DYSF: variants seen among roughly 807,000 people sequenced by gnomAD.
The protein encoded by DYSF is dysferlin, also known as dystrophy-associated fer-1-like 1.
Under a neutral mutation model 274.9 loss-of-function variants are expected in DYSF, and 212 were observed. That is an observed-to-expected ratio of 0.77 (90% CI 0.69 to 0.86). The LOEUF (loss-of-function observed/expected upper bound fraction) is 0.86. Among genes scored for constraint, DYSF ranks in the 40% least tolerant of loss-of-function variants. The pLI, the probability that DYSF is intolerant of heterozygous loss-of-function variation, is 0.00. For missense variants in DYSF, 2,666 were observed against 2,783.2 expected, an observed-to-expected ratio of 0.96 and a Z score of 0.95; for synonymous variants, 1,091 against 1,078.7, an observed-to-expected ratio of 1.01 and a Z score of -0.22.
At chr2:71,670,746 C>T (rs2095105704) in intron 51 of DYSF, among the ~76,000 whole-genome samples, 1 of 152,204 alleles carries the variant, frequency 6.6e-6, no homozygotes, top group Non-Finnish European at 1.5e-5. Context: ...TAGGACCAGG[C>T]CTGCCCTCAG....
At chr2:71,636,906 C>T (rs2152917696) in intron 41 of DYSF, among the ~76,000 whole-genome samples, 2 of 152,248 alleles carry the variant, frequency 1.3e-5, no homozygotes, top group South Asian at 4.1e-4. Flanking sequence ...CAGTGGAGCT[C>T]TGCAAGGCGA....
chr2:71,617,760 T>A (rs1301043981), intron 40 of DYSF, among the ~76,000 whole-genome samples: 2 of 49,336 alleles, frequency 4.1e-5, no homozygotes, highest in Non-Finnish European at 7.9e-5. Context: ...GGGGTAGAGG[T>A]GGTGTGTGTG....
intron 12 of DYSF, 120 bp from the exon 13 acceptor site, chr2:71,526,100 C>T (rs1419628213): frequency 7.1e-6 from 11 of 1,554,750 alleles, no homozygotes; most frequent in Admixed American, 5.0e-5. Context: ...AGTGTCGGAG[C>T]GCAGTCTGCC....
intron 55 of DYSF, among the ~76,000 whole-genome samples, chr2:71,685,373 T>G (rs1353596495): frequency 2.0e-5 from 3 of 152,026 alleles, no homozygotes; most frequent in African/African-American, 7.2e-5. Flanking sequence ...ATGAAGGGGG[T>G]GGCCTGGGCC....
At chr2:71,665,912 T>C (rs1431970655) in intron 47 of DYSF, among the ~76,000 whole-genome samples, 2 of 152,056 alleles carry the variant, frequency 1.3e-5, no homozygotes, top group Non-Finnish European at 2.9e-5. Flanking sequence ...TCAGAGCAGC[T>C]CAGACTCCCC....
chr2:71,672,521 C>T (rs568478239), intron 51 of DYSF, among the ~76,000 whole-genome samples: 5 of 152,200 alleles, frequency 3.3e-5, no homozygotes, highest in Non-Finnish European at 7.3e-5. Flanking sequence ...CGGCCAGGCT[C>T]CCCACCTGGA....
chr2:71,492,956 A>G (rs111719397), intron 3 of DYSF, among the ~76,000 whole-genome samples: 5,721 of 152,084 alleles, frequency 0.038, 156 homozygotes, highest in Non-Finnish European at 0.054. Context: ...AACAAGGCTC[A>G]CTGTAGCCTT....
At position 71,511,837 on chromosome 2, in the gene DYSF, C is replaced by G; in HGVS notation, c.376C>G (p.Pro126Ala). The change falls in exon 5 of 56, where the codon CCG becomes GCG. Residue 126 changes from proline to alanine, a missense_variant. Pro to Ala is a conservative substitution (Grantham distance 27). Around this residue, in one of 3 missense-constraint regions of DYSF, gnomAD observed 794 missense variants for 777.1 expected, o/e 1.02. Transcript: ENST00000410020. ...GCTGGTCCTGCAGGTGTCCTACACA[C>G]CGCTGCCTGGAGCTGTGCCCCTGTT... ...ASLVLQVSYTPLPGAVPLFPP... is the reference protein window; with the variant it reads ...ASLVLQVSYTALPGAVPLFPP... The G allele has an allele frequency of 6.4e-7, 1 of 1,551,662 alleles. No individual in the cohort carries two copies. The highest frequency in any genetic ancestry group is 8.7e-7 in the Non-Finnish European group (1 of 1,146,940).
chr2:71,547,838 G>T (rs950799764), intron 17 of DYSF, among the ~76,000 whole-genome samples: 3 of 152,014 alleles, frequency 2.0e-5, no homozygotes, highest in Admixed American at 6.5e-5. Flanking sequence ...AAATCAGTCT[G>T]GGTGGGAAGC....
chr2:71,478,275 C>CGCA (rs2082562101), intron 1 of DYSF, among the ~76,000 whole-genome samples: 1 of 150,548 alleles, frequency 6.6e-6, no homozygotes, highest in Non-Finnish European at 1.5e-5. Flanking sequence ...GCAGTGGTGC[C>CGCA]ATCTCGGCTC....
chr2:71,623,887 A>G lies in DYSF; in HGVS notation c.4527+3278A>G, dbSNP rs539416373. ...GAGTTGAGATCAGCCTGGGCAGCAT[A>G]GTGAAACCCTGTCTCTACAGAAAAT... On this transcript the variant is annotated intron_variant, in intron 41 of 55. Coordinates refer to ENST00000410020, the MANE Select transcript of DYSF (RefSeq NM_001130987.2). Among the ~76,000 whole-genome samples the G allele has an allele frequency of 2.0e-5, 3 of 151,988 alleles. No homozygotes were observed. The East Asian group carries it at 5.8e-4, about 30-fold the overall frequency.
chr2:71,470,899 C>T (rs1004532990), intron 1 of DYSF, among the ~76,000 whole-genome samples: 1 of 151,174 alleles, frequency 6.6e-6, no homozygotes, highest in African/African-American at 2.4e-5. Context: ...TCGAGTGATT[C>T]TCCTGCCTCA....
intron 52 of DYSF, among the ~76,000 whole-genome samples, chr2:71,678,705 A>G (rs1476500316): frequency 1.3e-5 from 2 of 152,118 alleles, no homozygotes; most frequent in African/African-American, 4.8e-5. Flanking sequence ...TTTTACCATG[A>G]TAAAAATAAT....
chr2:71,550,908 T>A, intron 17 of DYSF, 133 bp from the exon 18 acceptor site: 1 of 740,816 alleles, frequency 1.3e-6, no homozygotes, highest in Non-Finnish European at 2.4e-6. Flanking sequence ...CTTTATACAC[T>A]GACAGGAGCT....
chr2:71,616,071 C>G (rs978562361), intron 40 of DYSF, among the ~76,000 whole-genome samples: 18 of 152,216 alleles, frequency 1.2e-4, no homozygotes, highest in African/African-American at 4.1e-4. Flanking sequence ...TGCCTAGGTC[C>G]TGGGATGAGC....
At position 71,511,881 on chromosome 2, in the gene DYSF, G is replaced by A. The variant is rs1485176257; in HGVS notation, c.420G>A (p.Leu140=). The A allele has an allele frequency of 1.3e-6, 2 of 1,551,460 alleles. No homozygotes were observed. The highest frequency in any genetic ancestry group is 1.7e-6 in the Non-Finnish European group (2 of 1,146,898). Reference sequence around the variant, plus strand: ...CCCTGTTCCCGCCCCCTACTCCTCTGGAGCCCTCCCCGACTCTGCCTGACC... The same window carrying A: ...CCCTGTTCCCGCCCCCTACTCCTCTAGAGCCCTCCCCGACTCTGCCTGACC... The part of the protein sequence containing the change: ...AVPLFPPPTP[L]EPSPTLPDLD... Residue 140 remains leucine (L), a synonymous_variant, in exon 5 of 56, where the codon CTG becomes CTA. Transcript: ENST00000410020.
chr2:71,569,678 A>G (rs774124282), intron 26 of DYSF, 142 bp from the exon 27 acceptor site: 6 of 725,478 alleles, frequency 8.3e-6, no homozygotes, highest in Non-Finnish European at 1.5e-5. Context: ...GGTCTCTTGC[A>G]CCCTTCCCTC....
chr2:71,618,161 T>TGTGTGGTAGAGGTGGGGTATAA (rs2093959836), intron 40 of DYSF, among the ~76,000 whole-genome samples: 1 of 145,020 alleles, frequency 6.9e-6, no homozygotes, highest in Non-Finnish European at 1.5e-5. Flanking sequence ...GGTGTGTGTG[T>TGTGTGGTAGAGGTGGGGTATAA]GTGTGTGTGG....
intron 24 of DYSF, among the ~76,000 whole-genome samples, chr2:71,565,959 T>C (rs2092075086): frequency 6.6e-6 from 1 of 152,182 alleles, no homozygotes; most frequent in African/African-American, 2.4e-5. Flanking sequence ...AGGCCAGGGA[T>C]AGTAGATGTC....
Sources: gnomAD v4.1 joint callset for allele counts (sites outside exome capture counted in the v4.1 genomes callset) on GRCh38, gnomAD v4.1.1 for gene constraint, gnomAD v4.1.1 regional missense constraint, MANE v1.5 for transcripts, NCBI Gene and HGNC (gene_info 2026-07-23, HGNC 2026-07-21) for gene names.